Variants in RAPGEF1 observed in about 807,000 individuals in gnomAD.
The protein encoded by RAPGEF1 is Rap guanine nucleotide exchange factor 1.
In RAPGEF1, 33 loss-of-function variants were observed where a neutral mutation model predicts 143.3. That is an observed-to-expected ratio of 0.23 (90% CI 0.17 to 0.31). The LOEUF is 0.31. Ranked by LOEUF, RAPGEF1 falls within the 10% of genes least tolerant of loss-of-function variation. The pLI, the probability that RAPGEF1 is intolerant of heterozygous loss-of-function variation, is 1.00. For missense variants in RAPGEF1, 1,199 were observed against 1,645.4 expected (o/e 0.73, Z 4.69); for synonymous variants, 629 against 676.5 (o/e 0.93, Z 1.09).
chr9:131,622,361 G>C (rs951198543), intron 10 of RAPGEF1, among the ~76,000 whole-genome samples: 3 of 152,238 alleles, frequency 2.0e-5, no homozygotes, highest in African/African-American at 7.2e-5. Flanking sequence ...GTGGAGCTGA[G>C]ATTCAGATGC....
intron 1 of RAPGEF1, among the ~76,000 whole-genome samples, chr9:131,693,173 T>C (rs1339589954): frequency 2.0e-5 from 3 of 152,150 alleles, no homozygotes; most frequent in African/African-American, 4.8e-5. Flanking sequence ...AAGAAATGCA[T>C]GATAATGAGG....
At chr9:131,671,148 G>C (rs1831310133) in intron 1 of RAPGEF1, among the ~76,000 whole-genome samples, 1 of 152,218 alleles carries the variant, frequency 6.6e-6, no homozygotes, top group Admixed American at 6.5e-5. Context: ...AGAATCCTCA[G>C]AGCAGGAAAT....
At chr9:131,608,396 T>C (rs1159056233) in intron 12 of RAPGEF1, among the ~76,000 whole-genome samples, 1 of 152,220 alleles carries the variant, frequency 6.6e-6, no homozygotes, top group East Asian at 1.9e-4. Context: ...TTAAGGTGTC[T>C]AGAATATTAC....
In RAPGEF1 at chr9:131,619,194, C is replaced by T; in HGVS notation, c.1918G>A (p.Ala640Thr). 3 of 1,305,288 alleles carry T rather than the reference C, an allele frequency of 2.3e-6. No homozygotes were observed. The highest frequency in any genetic ancestry group is 3.0e-6 in the Non-Finnish European group (3 of 989,678). 80.9% of individuals were successfully genotyped at this position (1,305,288 alleles called of 1,614,324 possible). The change falls in exon 12 of 27, where the codon GCT (alanine) becomes ACT (threonine). Residue 640 changes from alanine to threonine, a missense_variant. Around this residue, in one of 6 missense-constraint regions of RAPGEF1, gnomAD observed 293 missense variants for 356.2 expected, o/e 0.82. Coordinates refer to ENST00000683357, the MANE Select transcript of RAPGEF1 (RefSeq NM_001377935.1). ...PKQRQLASCA[A>T]SSFSSVSHCV... ...TGGGAGACAGAGGAGAAGGAAGAAGCAGCACAGGAGGCCTGCTGGACAGAG... is the reference window on the plus strand; with the variant it reads ...TGGGAGACAGAGGAGAAGGAAGAAGTAGCACAGGAGGCCTGCTGGACAGAG...
At chr9:131,587,283 T>C (rs149163904) in intron 22 of RAPGEF1, among the ~76,000 whole-genome samples, 3 of 82,982 alleles carry the variant, frequency 3.6e-5, no homozygotes, top group Admixed American at 1.1e-4. Context: ...CACACACACC[T>C]GCAGAGCGAG....
chr9:131,676,960 G>C (rs1004602556), intron 1 of RAPGEF1, among the ~76,000 whole-genome samples: 1 of 152,208 alleles, frequency 6.6e-6, no homozygotes, highest in Non-Finnish European at 1.5e-5. Context: ...GTTTTAACAA[G>C]CTCTCCAGGT....
chr9:131,714,308 G>A (rs1835707662), intron 1 of RAPGEF1, among the ~76,000 whole-genome samples: 2 of 152,098 alleles, frequency 1.3e-5, no homozygotes, highest in East Asian at 1.9e-4. Flanking sequence ...CCTGCAAGGC[G>A]GTGCTCACTT....
intron 19 of RAPGEF1, 86 bp downstream of exon 19, chr9:131,589,800 C>T (rs1953881003): frequency 7.6e-7 from 1 of 1,318,638 alleles, no homozygotes; most frequent in Admixed American, 1.7e-5. Context: ...GCCAGCTCTG[C>T]CCAGAGCCGA....
chr9:131,738,980 C>G (rs1564221844), intron 1 of RAPGEF1, among the ~76,000 whole-genome samples: 1 of 152,204 alleles, frequency 6.6e-6, no homozygotes, highest in Non-Finnish European at 1.5e-5. Context: ...CCCAGGAGCA[C>G]CCGCCCACTT....
At chr9:131,605,283 G>A (rs1350636007) in intron 12 of RAPGEF1, 95 bp from the exon 13 acceptor site, 27 of 1,098,918 alleles carry the variant, frequency 2.5e-5, no homozygotes, top group Middle Eastern at 3.0e-4. Flanking sequence ...GTGACAGGCC[G>A]TTCACAATAA....
chr9:131,591,537 A>G (rs919828381), intron 18 of RAPGEF1, among the ~76,000 whole-genome samples: 2 of 152,174 alleles, frequency 1.3e-5, no homozygotes, highest in African/African-American at 4.8e-5. Context: ...GCAGAGGGTG[A>G]CATTTACTGA....
In RAPGEF1 at chr9:131,628,453, C is replaced by T; in HGVS notation, c.1017+96G>A. 1 of 1,502,312 alleles carries T rather than the reference C, an allele frequency of 6.7e-7. No individual in the cohort carries two copies. Among genetic ancestry groups the T allele is most frequent in the Non-Finnish European group, 9.0e-7 (1 of 1,108,252 alleles). 93.1% of individuals were successfully genotyped at this position (1,502,312 alleles called of 1,614,324 possible). ...TCCTCGATGTGACAAACACCAGCGCCTGAAGACCATGGGTTTCTTTCAGCT... is the reference window on the plus strand; with the variant it reads ...TCCTCGATGTGACAAACACCAGCGCTTGAAGACCATGGGTTTCTTTCAGCT... On this transcript the variant is annotated intron_variant, in intron 8 of 26. Coordinates refer to ENST00000683357, the MANE Select transcript of RAPGEF1 (RefSeq NM_001377935.1). This position sits in a 1 kb window ranked among gnomAD's most constrained non-coding sequence, Gnocchi z 5.7.
intron 1 of RAPGEF1, among the ~76,000 whole-genome samples, chr9:131,729,733 C>T (rs1043661320): frequency 7.9e-5 from 12 of 152,204 alleles, no homozygotes; most frequent in Non-Finnish European, 1.2e-4. Context: ...GTCAAATGGG[C>T]ACAATACCTG....
intron 1 of RAPGEF1, among the ~76,000 whole-genome samples, chr9:131,657,143 T>C (rs933927894): frequency 1.3e-5 from 2 of 152,206 alleles, no homozygotes; most frequent in Non-Finnish European, 2.9e-5. Flanking sequence ...GAGGAGGTAC[T>C]ATAATGCTTT....
At chr9:131,709,588 C>G in intron 1 of RAPGEF1, 1 of 1,608,356 alleles carries the variant, frequency 6.2e-7, no homozygotes, top group Non-Finnish European at 8.5e-7. Context: ...CTCCTTGCTT[C>G]TTCCTGGAAA....
intron 22 of RAPGEF1, among the ~76,000 whole-genome samples, chr9:131,585,364 G>C (rs532504039): frequency 4.4e-4 from 32 of 73,236 alleles, no homozygotes; most frequent in East Asian, 8.7e-4. Context: ...TTTTTTGTAG[G>C]GGGGGGGCGT....
At chr9:131,593,459 T>C (rs3780268) in intron 17 of RAPGEF1, among the ~76,000 whole-genome samples, 135,996 of 152,308 alleles carry the variant, frequency 0.89, 60,862 homozygotes, top group African/African-American at 0.94. Context: ...CAGCTGTGCT[T>C]CTCACTGTGA....
chr9:131,706,599 A>C (rs1044555324), intron 1 of RAPGEF1, among the ~76,000 whole-genome samples: 1 of 152,096 alleles, frequency 6.6e-6, no homozygotes, highest in Admixed American at 6.6e-5. Flanking sequence ...CCAGTTTGTA[A>C]ACACTGTTCT....
At chr9:131,609,248 C>T (rs766737043) in intron 12 of RAPGEF1, among the ~76,000 whole-genome samples, 5 of 152,138 alleles carry the variant, frequency 3.3e-5, no homozygotes, top group East Asian at 1.9e-4. Context: ...AAGTGTTGCA[C>T]GGATCATCTC....
Sources: gnomAD v4.1 joint callset for allele counts (sites outside exome capture counted in the v4.1 genomes callset) on GRCh38, gnomAD v4.1.1 for gene constraint, gnomAD v4.1.1 regional missense constraint, Gnocchi (gnomAD v3.1) non-coding constraint, MANE v1.5 for transcripts, NCBI Gene and HGNC (gene_info 2026-07-23, HGNC 2026-07-21) for gene names.